Variants in CDH18 observed in about 807,000 individuals in gnomAD.
The protein encoded by CDH18 is cadherin 18, also known as cadherin-18.
Under a neutral mutation model 67.9 loss-of-function variants are expected in CDH18, and 31 were observed. The ratio of observed to expected loss-of-function variants is 0.46; its 90% CI spans 0.34 to 0.62. CDH18 has a LOEUF of 0.62. Ranked by LOEUF, CDH18 falls within the 20% of genes least tolerant of loss-of-function variation. CDH18 has a pLI of 0.01. For missense variants in CDH18, 890 were observed against 975.5 expected (o/e 0.91, Z 1.17); for synonymous variants, 362 against 347.2 (o/e 1.04, Z -0.48).
Position 20,220,556 on chromosome 5 carries a change from T to C in CDH18, c.-518+34888A>G, listed in dbSNP as rs182178893. ...AAATATTGGGGAAACTCCAAGACAT[T>C]GGACTGGGCAAAAATTTCTTGGGTA... On this transcript the variant is annotated intron_variant, in intron 2 of 14. Coordinates refer to the CDH18 transcript ENST00000507958. Among the ~76,000 whole-genome samples, 860 of 152,112 alleles carry C rather than the reference T, an allele frequency of 5.7e-3. 6 individuals carry two copies. Among genetic ancestry groups the C allele is most frequent in the African/African-American group, 0.011 (456 of 41,544 alleles).
At position 19,544,012 on chromosome 5, in the gene CDH18, A is replaced by G; in HGVS notation, c.1254-7T>C. The G allele has an allele frequency of 1.3e-6, 2 of 1,511,616 alleles. No homozygotes were observed. Among genetic ancestry groups the G allele is most frequent in the African/African-American group, 1.4e-5 (1 of 72,336 alleles). The allele number at this position is 1,511,616 out of a possible 1,614,324, so 93.6% of individuals were successfully genotyped here. A position where few individuals can be genotyped will look rare whatever the true frequency, so the allele number is the denominator to read the frequency against. ...ATTGTAGTTGATGAAGTATCTAGAG[A>G]AAAAAAGAGAAGTTTTTACTTGATG... is the stretch of plus-strand genomic sequence containing the variant. On this transcript the variant is annotated splice_region_variant and splice_polypyrimidine_tract_variant and intron_variant, in intron 8 of 12. Coordinates refer to ENST00000382275, the MANE Select transcript of CDH18 (RefSeq NM_004934.5).
intron 3 of CDH18, among the ~76,000 whole-genome samples, chr5:19,759,457 G>T (rs1162418354): frequency 6.6e-6 from 1 of 152,248 alleles, no homozygotes; most frequent in Admixed American, 6.5e-5. Context: ...TAATGTGGGG[G>T]TTCTGCCAGC....
intron 1 of CDH18, among the ~76,000 whole-genome samples, chr5:20,421,496 A>T (rs1747856462): frequency 6.6e-6 from 1 of 150,954 alleles, no homozygotes; most frequent in Admixed American, 6.6e-5. Context: ...TTTTACGAGT[A>T]AGTGCTGAAA....
chr5:20,085,164 C>T (rs1033871162), intron 2 of CDH18, among the ~76,000 whole-genome samples: 2 of 152,178 alleles, frequency 1.3e-5, no homozygotes, highest in African/African-American at 4.8e-5. Context: ...ACTTGCTTTG[C>T]TGCTTAGAAA....
At chr5:19,775,061 A>G (rs944688242) in intron 3 of CDH18, among the ~76,000 whole-genome samples, 2 of 152,114 alleles carry the variant, frequency 1.3e-5, no homozygotes, top group Non-Finnish European at 2.9e-5. Flanking sequence ...GGAACCCTTC[A>G]GAGCCAAAGC....
chr5:20,503,981 T>C (rs901892494), intron 1 of CDH18, among the ~76,000 whole-genome samples: 2 of 150,652 alleles, frequency 1.3e-5, no homozygotes, highest in Non-Finnish European at 2.9e-5. Context: ...GAGGTTGCAG[T>C]GAGCCCAGAT....
At chr5:20,264,359 A>T (rs1286501070) in intron 1 of CDH18, among the ~76,000 whole-genome samples, 2 of 152,138 alleles carry the variant, frequency 1.3e-5, no homozygotes, top group African/African-American at 4.8e-5. Context: ...AAATATTAGC[A>T]TAATTATTAC....
chr5:19,886,143 C>G (rs1788166198), intron 2 of CDH18: 1 of 152,098 alleles, frequency 6.6e-6, no homozygotes, highest in South Asian at 2.1e-4. Context: ...ATTATCACAC[C>G]ACTCAATCTT....
intron 8 of CDH18, among the ~76,000 whole-genome samples, chr5:19,545,546 T>C (rs140356909): frequency 1.3e-5 from 2 of 152,334 alleles, no homozygotes; most frequent in East Asian, 3.9e-4. Context: ...GATGGAAAGA[T>C]AGAAGATGAT....
chr5:19,557,294 C>T (rs779150623), intron 8 of CDH18, among the ~76,000 whole-genome samples: 1 of 151,994 alleles, frequency 6.6e-6, no homozygotes, highest in African/African-American at 2.4e-5. Context: ...CATCTCAATA[C>T]TAACATTGAA....
intron 1 of CDH18, among the ~76,000 whole-genome samples, chr5:20,350,455 C>G (rs1393033677): frequency 6.6e-6 from 1 of 151,956 alleles, no homozygotes; most frequent in Non-Finnish European, 1.5e-5. Context: ...AAATGTATTC[C>G]ATTTTTGGAT....
rs35827739 is a variant in CDH18, at chr5:20,308,540, C to CAA, written c.-579-53037_-579-53036dup. ...CCTGGCCAACAGGGCGAGACTCAGT[C>CAA]AAAAAAAAAAAAAAATTCTGTGTGA... On this transcript the variant is annotated intron_variant, in intron 1 of 14. Transcript: ENST00000507958. 7.6e-4 allele frequency among the ~76,000 whole-genome samples: 96 copies of CAA among 126,748 alleles called. No individual in the cohort carries two copies. The East Asian group carries it at 0.011, about 15-fold the overall frequency. 83.2% of individuals were successfully genotyped at this position (126,748 alleles called of 152,430 possible).
intron 1 of CDH18, among the ~76,000 whole-genome samples, chr5:20,426,904 T>C (rs1748345382): frequency 6.6e-6 from 1 of 151,086 alleles, no homozygotes; most frequent in Non-Finnish European, 1.5e-5. Flanking sequence ...ATTCAAGATA[T>C]TTCACTCCTT....
At chr5:20,313,383 T>G (rs2149993314) in intron 1 of CDH18, among the ~76,000 whole-genome samples, 1 of 152,236 alleles carries the variant, frequency 6.6e-6, no homozygotes, top group Admixed American at 6.5e-5. Flanking sequence ...TTGATTTGGT[T>G]AGTTTCAAGT....
At chr5:20,408,866 A>C (rs2150140506) in intron 1 of CDH18, among the ~76,000 whole-genome samples, 1 of 151,942 alleles carries the variant, frequency 6.6e-6, no homozygotes, top group African/African-American at 2.4e-5. Context: ...AAATAATGAG[A>C]TGGAAAAAAT....
intron 11 of CDH18, among the ~76,000 whole-genome samples, chr5:19,490,341 C>T (rs1264006682): frequency 1.5e-5 from 2 of 136,736 alleles, no homozygotes. Context: ...AAGTGACATG[C>T]AATGATAAAA....
At chr5:19,658,975 A>G (rs568168612) in intron 5 of CDH18, among the ~76,000 whole-genome samples, 1 of 152,236 alleles carries the variant, frequency 6.6e-6, no homozygotes, top group Non-Finnish European at 1.5e-5. Flanking sequence ...AGCCATAAAA[A>G]ATGATGAGTT....
At chr5:20,571,305 T>C (rs1371495148) in intron 1 of CDH18, among the ~76,000 whole-genome samples, 3 of 152,160 alleles carry the variant, frequency 2.0e-5, no homozygotes, top group Non-Finnish European at 4.4e-5. Flanking sequence ...TTTTCATTTA[T>C]TTGTCTTATT....
chr5:19,940,310 C>T (rs960760572), intron 2 of CDH18, among the ~76,000 whole-genome samples: 4 of 151,694 alleles, frequency 2.6e-5, no homozygotes, highest in African/African-American at 9.7e-5. Flanking sequence ...ATATAGCTTA[C>T]ATGTGACCCT....
Sources: gnomAD v4.1 joint callset for allele counts (sites outside exome capture counted in the v4.1 genomes callset) on GRCh38, gnomAD v4.1.1 for gene constraint, MANE v1.5 for transcripts, NCBI Gene and HGNC (gene_info 2026-07-23, HGNC 2026-07-21) for gene names.